The following SORCS2 variants were observed in gnomAD, a reference collection of about 807,000 sequenced individuals.
The protein encoded by SORCS2 is sortilin related VPS10 domain containing receptor 2.
Under a neutral mutation model 141.6 loss-of-function variants are expected in SORCS2, and 100 were observed. The ratio of observed to expected loss-of-function variants is 0.71; its 90% CI spans 0.60 to 0.83. The LOEUF is 0.83. SORCS2 is among the 40% of genes least tolerant of loss of function. SORCS2 has a pLI of 0.00. For synonymous variants in SORCS2, 789 were observed against 676.9 expected, an observed-to-expected ratio of 1.17 and a Z score of -2.57; for missense variants, 1,646 against 1,560.2, an observed-to-expected ratio of 1.05 and a Z score of -0.93.
intron 12 of SORCS2, among the ~76,000 whole-genome samples, chr4:7,702,010 G>A (rs1577092521): frequency 1.3e-5 from 1 of 77,790 alleles, no homozygotes; most frequent in African/African-American, 4.4e-5. Context: ...CGAAGTTGCT[G>A]CATGCTTGTT....
At chr4:7,571,467 A>G (rs4689142) in intron 3 of SORCS2, among the ~76,000 whole-genome samples, 2 of 152,140 alleles carry the variant, frequency 1.3e-5, no homozygotes, top group Non-Finnish European at 2.9e-5. Flanking sequence ...AGCTCTGGCC[A>G]TGCCCCGTGT....
intron 2 of SORCS2, among the ~76,000 whole-genome samples, chr4:7,439,426 C>T (rs1032287074): frequency 2.0e-5 from 3 of 152,190 alleles, no homozygotes; most frequent in Non-Finnish European, 4.4e-5. Context: ...ACCCTGCTAA[C>T]TAGAGCTCTC....
Position 7,469,759 on chromosome 4 carries a change from C to T in SORCS2, c.549-61771C>T, listed in dbSNP as rs574137313. On this transcript the variant is annotated intron_variant, in intron 2 of 26. Coordinates refer to ENST00000507866, the MANE Select transcript of SORCS2 (RefSeq NM_020777.3). ...AAGCTCCCCAGGTGATTCCAATCTG[C>T]AGCCAAGGCTGAGAACCCCTGCAAA... Among the ~76,000 whole-genome samples the T allele has an allele frequency of 2.6e-5, 4 of 152,356 alleles. No homozygotes were observed. In the South Asian group the frequency reaches 8.3e-4, roughly 32 times the overall value.
intron 3 of SORCS2, among the ~76,000 whole-genome samples, chr4:7,556,436 C>T (rs1253072776): frequency 6.6e-6 from 1 of 152,102 alleles, no homozygotes; most frequent in Non-Finnish European, 1.5e-5. Flanking sequence ...CAGAGGAGCC[C>T]ACCCAGAGGG....
chr4:7,542,955 G>T (rs1298143882), intron 3 of SORCS2, among the ~76,000 whole-genome samples: 3 of 152,234 alleles, frequency 2.0e-5, no homozygotes, highest in Admixed American at 2.0e-4. Flanking sequence ...CCGGCCCAGT[G>T]ACCCACAGGG....
At chr4:7,438,200 A>G (rs1727429471) in intron 2 of SORCS2, among the ~76,000 whole-genome samples, 1 of 152,152 alleles carries the variant, frequency 6.6e-6, no homozygotes, top group South Asian at 2.1e-4. Flanking sequence ...GGTGCCTCAG[A>G]GGCCTTCCAT....
Position 7,201,575 on chromosome 4 carries a change from G to T in SORCS2, c.480+8449G>T, listed in dbSNP as rs1201399057. ...AGATGATTCGATGGAGAGCAGACTG[G>T]AGTGACGGGCGAATCAGCTGGGACG... On this transcript the variant is annotated intron_variant, in intron 1 of 26. Transcript: ENST00000507866. The surrounding 1 kb of genome is among the most constrained non-coding windows in gnomAD (Gnocchi z 4.4). 6.6e-6 allele frequency among the ~76,000 whole-genome samples: 1 copy of T among 152,196 alleles called. No homozygotes were observed. Among genetic ancestry groups the T allele is most frequent in the Non-Finnish European group, 1.5e-5 (1 of 68,036 alleles).
chr4:7,433,512 C>A, intron 2 of SORCS2: 1 of 1,606,348 alleles, frequency 6.2e-7, no homozygotes, highest in South Asian at 1.1e-5. Context: ...CGGGGTCCAT[C>A]ATGTCCTTGA....
At chr4:7,471,445 C>T (rs893863478) in intron 2 of SORCS2, among the ~76,000 whole-genome samples, 1 of 152,218 alleles carries the variant, frequency 6.6e-6, no homozygotes, top group African/African-American at 2.4e-5. Flanking sequence ...TGTCCAGGCC[C>T]TAATTTGCTC....
intron 3 of SORCS2, among the ~76,000 whole-genome samples, chr4:7,618,837 AACACACAC>A (rs36003102): frequency 6.6e-6 from 1 of 150,444 alleles, no homozygotes; most frequent in Non-Finnish European, 1.5e-5. Flanking sequence ...CATGTGCGCA[AACACACAC>A]ACACACACAC....
At chr4:7,657,714 A>G (rs1160122589) in intron 5 of SORCS2, among the ~76,000 whole-genome samples, 1 of 150,868 alleles carries the variant, frequency 6.6e-6, no homozygotes, top group Non-Finnish European at 1.5e-5. Flanking sequence ...ATGAGTGAGT[A>G]GCTGAGTGAG....
intron 2 of SORCS2, among the ~76,000 whole-genome samples, chr4:7,417,773 G>A (rs547718716): frequency 6.6e-6 from 1 of 152,192 alleles, no homozygotes; most frequent in Non-Finnish European, 1.5e-5. Context: ...GCAGAGAGCT[G>A]AGTCGCCCTT....
chr4:7,725,376 G>A, intron 20 of SORCS2, 89 bp downstream of exon 20: 1 of 1,494,514 alleles, frequency 6.7e-7, no homozygotes. Context: ...CAGGTTTTCA[G>A]CAGAAGGAAC....
At chr4:7,219,986 A>G (rs1271419937) in intron 1 of SORCS2, among the ~76,000 whole-genome samples, 1 of 152,246 alleles carries the variant, frequency 6.6e-6, no homozygotes, top group Non-Finnish European at 1.5e-5. Flanking sequence ...GCTGGATTTA[A>G]GAGGCCAGGA....
intron 14 of SORCS2, among the ~76,000 whole-genome samples, chr4:7,708,991 G>C (rs948047266): frequency 1.3e-5 from 2 of 152,166 alleles, no homozygotes; most frequent in African/African-American, 4.8e-5. Flanking sequence ...GCCCAGTCTC[G>C]TGCCCCCGGA....
intron 1 of SORCS2, among the ~76,000 whole-genome samples, chr4:7,235,233 C>G (rs1454136276): frequency 6.6e-6 from 1 of 152,226 alleles, no homozygotes; most frequent in Admixed American, 6.5e-5. Context: ...TGCAGCCGCA[C>G]CAGTTAGTAC....
intron 1 of SORCS2, among the ~76,000 whole-genome samples, chr4:7,308,514 A>G (rs894588066): frequency 1.4e-4 from 21 of 152,072 alleles, no homozygotes; most frequent in African/African-American, 4.8e-4. Context: ...GGGTTTCTAG[A>G]GCGGTGTCAG....
rs187497576 is a variant in SORCS2, at chr4:7,585,780, G to C, written c.649-52548G>C. ...AAGGACTGTTTGGGAGGACGCATGT[G>C]GGGGAGCAGCCTTGCCCCTAGGATT... On this transcript the variant is annotated intron_variant, in intron 3 of 26. Coordinates refer to ENST00000507866, the MANE Select transcript of SORCS2 (RefSeq NM_020777.3). Among the ~76,000 whole-genome samples the C allele has an allele frequency of 7.8e-3, 1,183 of 152,314 alleles. 5 individuals carry two copies. The highest frequency in any genetic ancestry group is 7.5e-3 in the Non-Finnish European group (512 of 68,028).
chr4:7,323,515 G>T (rs894936962), intron 1 of SORCS2, among the ~76,000 whole-genome samples: 2 of 152,160 alleles, frequency 1.3e-5, no homozygotes, highest in Non-Finnish European at 2.9e-5. Flanking sequence ...TCTGAGGGGG[G>T]TCAGAGCACC....
Sources: allele counts gnomAD v4.1 joint callset (sites outside exome capture counted in the v4.1 genomes callset), GRCh38; gene constraint gnomAD v4.1.1; non-coding constraint Gnocchi (gnomAD v3.1); transcripts MANE v1.5; gene names NCBI Gene and HGNC (gene_info 2026-07-23, HGNC 2026-07-21).